CYP3A5: variants seen among roughly 807,000 people sequenced by gnomAD.
The protein encoded by CYP3A5 is cytochrome P450 family 3 subfamily A member 5, also known as cytochrome P450 3A5.
In CYP3A5, 51 loss-of-function variants were observed where a neutral mutation model predicts 55.9. The ratio of observed to expected loss-of-function variants is 0.91; its 90% confidence interval spans 0.73 to 1.15. CYP3A5 has a LOEUF of 1.15. CYP3A5 is among the 50% of genes most tolerant of loss of function. The pLI is 0.00. For missense variants in CYP3A5, 533 were observed against 596.6 expected (o/e 0.89, Z 1.11); for synonymous variants, 196 against 213.9 (o/e 0.92, Z 0.73).
chr7:99,678,001 A>G (rs1812458617), intron 1 of CYP3A5, among the ~76,000 whole-genome samples: 1 of 152,202 alleles, frequency 6.6e-6, no homozygotes, highest in Admixed American at 6.5e-5. Context: ...CTGGTAGAGT[A>G]ATGCAGCCTT....
intron 1 of CYP3A5, among the ~76,000 whole-genome samples, chr7:99,678,823 C>T (rs1049356288): frequency 1.3e-5 from 2 of 152,182 alleles, no homozygotes; most frequent in African/African-American, 4.8e-5. Flanking sequence ...CATTGTGGTT[C>T]CCTGCTCTTA....
In CYP3A5 at chr7:99,662,098, C is replaced by G. The variant is rs960082606; in HGVS notation, c.865+718G>C. Among the ~76,000 whole-genome samples, 1 of 152,144 alleles carries G rather than the reference C, an allele frequency of 6.6e-6. No individual in the cohort carries two copies. The highest frequency in any genetic ancestry group is 1.9e-4 in the East Asian group (1 of 5,198). ...GATGATTGACAGATAGATAGACAGA[C>G]AGAAGTAGATGTAGACATGGACATG... On this transcript the variant is annotated intron_variant, in intron 9 of 12. Coordinates refer to ENST00000222982, the MANE Select transcript of CYP3A5 (RefSeq NM_000777.5). This position sits in a 1 kb window ranked among gnomAD's most constrained non-coding sequence, Gnocchi z 4.3.
chr7:99,668,869 T>A (rs955600290), intron 4 of CYP3A5, among the ~76,000 whole-genome samples: 2 of 152,212 alleles, frequency 1.3e-5, no homozygotes, highest in Non-Finnish European at 2.9e-5. Context: ...ATTGACACTG[T>A]CAGGTATTAG....
chr7:99,662,547 A>C lies in CYP3A5; in HGVS notation c.865+269T>G, dbSNP rs140259921. Among the ~76,000 whole-genome samples the C allele has an allele frequency of 2.6e-3, 399 of 152,294 alleles. 2 individuals carry two copies. Among genetic ancestry groups the C allele is most frequent in the African/African-American group, 7.2e-3 (301 of 41,570 alleles). ...GATCTGGAGGAGGCTGAGAACTGGC[A>C]TTTGATCTCATGTAGGTGATCCACA... On this transcript the variant is annotated intron_variant, in intron 9 of 12. Transcript: ENST00000222982. The surrounding 1 kb of genome is among the most constrained non-coding windows in gnomAD (Gnocchi z 4.3).
At chr7:99,664,438 G>A (rs904335038) in intron 7 of CYP3A5, among the ~76,000 whole-genome samples, 2 of 152,150 alleles carry the variant, frequency 1.3e-5, no homozygotes, top group African/African-American at 4.8e-5. Context: ...TAATCATGCT[G>A]TTCAGGAAAT....
Position 99,662,953 on chromosome 7 carries a change from TC to T in CYP3A5, c.799-72del. 1.3e-6 allele frequency: 2 copies of T among 1,595,888 alleles called. No individual in the cohort carries two copies. The highest frequency in any genetic ancestry group is 1.7e-6 in the Non-Finnish European group (2 of 1,169,534). ...AGTCAGAAGTAAATCAAAAGTGCAGTCCTCAACCTCCCTTCTTGACTTCCCT... is the reference window on the plus strand; with the variant it reads ...AGTCAGAAGTAAATCAAAAGTGCAGTCTCAACCTCCCTTCTTGACTTCCCT... On this transcript the variant is annotated intron_variant, in intron 8 of 12. Transcript: ENST00000222982. This position sits in a 1 kb window ranked among gnomAD's most constrained non-coding sequence, Gnocchi z 4.3.
In CYP3A5 at chr7:99,672,674, T is replaced by C; in HGVS notation, c.224A>G (p.Tyr75Cys). ...GGCCAGCACAGGGAGTTGACCTTCATACGTTCTGTGTGGGGACAACGGAGC... is the reference window on the plus strand; with the variant it reads ...GGCCAGCACAGGGAGTTGACCTTCACACGTTCTGTGTGGGGACAACGGAGC... The part of the protein sequence containing the change: ...YKKYGKMWGT[Y>C]EGQLPVLAIT... Residue 75 changes from tyrosine to cysteine, a missense_variant, in exon 4 of 13, where the codon TAT becomes TGT. Coordinates refer to ENST00000222982, the MANE Select transcript of CYP3A5 (RefSeq NM_000777.5). The C allele has an allele frequency of 1.2e-6, 2 of 1,614,150 alleles. No homozygotes were observed. Among genetic ancestry groups the C allele is most frequent in the Non-Finnish European group, 1.7e-6 (2 of 1,179,978 alleles).
At chr7:99,673,910 A>G (rs551765730) in intron 3 of CYP3A5, among the ~76,000 whole-genome samples, 1 of 152,374 alleles carries the variant, frequency 6.6e-6, no homozygotes, top group East Asian at 1.9e-4. Context: ...AGCCTAGTTC[A>G]GACTGAAGAC....
At chr7:99,650,024 C>A (rs746112034) in intron 12 of CYP3A5, 49 bp downstream of exon 12, 13 of 1,600,072 alleles carry the variant, frequency 8.1e-6, no homozygotes, top group African/African-American at 6.7e-5. Context: ...AAAATATATA[C>A]CCTTCAGTTA....
intron 1 of CYP3A5, 193 bp from the exon 2 acceptor site, chr7:99,676,401 A>C (rs1812290786): frequency 6.6e-7 from 1 of 1,509,208 alleles, no homozygotes; most frequent in South Asian, 1.1e-5. Flanking sequence ...ACCCCTGAAA[A>C]GTCTCAATGA....
intron 1 of CYP3A5, among the ~76,000 whole-genome samples, chr7:99,678,481 C>T (rs1009650300): frequency 4.6e-5 from 7 of 152,104 alleles, no homozygotes; most frequent in East Asian, 1.9e-4. Flanking sequence ...AATAAATGGC[C>T]GGACAGGTAT....
In CYP3A5 at chr7:99,662,839, G is replaced by T. The variant is rs111371159; in HGVS notation, c.842C>A (p.Ser281Ter). The change falls in exon 9 of 13, where the codon TCG (serine) becomes TAG (stop). Residue 281 changes from serine to a stop codon, truncating the protein, a stop_gained. Transcript: ENST00000222982. LOFTEE classifies it high-confidence loss of function. The surrounding 1 kb of genome is among the most constrained non-coding windows in gnomAD (Gnocchi z 4.3). ...FLQLMIDSQN[S>*]KETESHKALS... ...ACCTTTGTGGGACTCAGTTTCTTTCGAATTCTGGGAGTCAATCATCAGCTG... is the reference window on the plus strand; with the variant it reads ...ACCTTTGTGGGACTCAGTTTCTTTCTAATTCTGGGAGTCAATCATCAGCTG... The T allele has an allele frequency of 3.1e-6, 5 of 1,613,888 alleles. No homozygotes were observed. The highest frequency in any genetic ancestry group is 2.2e-5 in the East Asian group (1 of 44,874).
chr7:99,671,916 C>G, intron 4 of CYP3A5: 3 of 695,606 alleles, frequency 4.3e-6, no homozygotes, highest in Non-Finnish European at 2.6e-6. Context: ...TACCCACACA[C>G]ATAAACACAC....
chr7:99,662,756 G>T lies in CYP3A5; in HGVS notation c.865+60C>A. 1 of 1,493,416 alleles carries T rather than the reference G, an allele frequency of 6.7e-7. No individual in the cohort carries two copies. Among genetic ancestry groups the T allele is most frequent in the Non-Finnish European group, 9.3e-7 (1 of 1,074,302 alleles). 92.5% of individuals were successfully genotyped at this position (1,493,416 alleles called of 1,614,324 possible). ...CTGGAATACTTCCTGCACATTTTCA[G>T]AACAAGGCCCTCCCTCTTAGTGTCC... On this transcript the variant is annotated intron_variant, in intron 9 of 12. Coordinates refer to ENST00000222982, the MANE Select transcript of CYP3A5 (RefSeq NM_000777.5). This position sits in a 1 kb window ranked among gnomAD's most constrained non-coding sequence, Gnocchi z 4.3.
chr7:99,652,869 C>G, intron 10 of CYP3A5, 90 bp from the exon 11 acceptor site: 1 of 934,092 alleles, frequency 1.1e-6, no homozygotes. Flanking sequence ...ATTAGAAGCT[C>G]CAGAGAATAA....
chr7:99,672,550 T>G, intron 4 of CYP3A5, 30 bp downstream of exon 4: 1 of 1,548,272 alleles, frequency 6.5e-7, no homozygotes, highest in Non-Finnish European at 8.9e-7. Flanking sequence ...GGATCAATCA[T>G]TATTTAAATT....
chr7:99,674,687 G>T, intron 2 of CYP3A5, 102 bp from the exon 3 acceptor site: 2 of 892,148 alleles, frequency 2.2e-6, no homozygotes, highest in Non-Finnish European at 3.5e-6. Flanking sequence ...AATCAGGCCT[G>T]CTATCTTTCA....
chr7:99,672,482 AT>A, intron 4 of CYP3A5, 97 bp downstream of exon 4: 1 of 1,086,162 alleles, frequency 9.2e-7, no homozygotes, highest in Non-Finnish European at 1.4e-6. Flanking sequence ...CTTCCTGTAC[AT>A]TTTTTAGGTA....
At chr7:99,675,981 C>T in intron 2 of CYP3A5, 134 bp downstream of exon 2, 1 of 708,432 alleles carries the variant, frequency 1.4e-6, no homozygotes. Flanking sequence ...AGGCATGATC[C>T]ACTGCACCCA....
Sources: allele counts gnomAD v4.1 joint callset (sites outside exome capture counted in the v4.1 genomes callset), GRCh38; gene constraint gnomAD v4.1.1; non-coding constraint Gnocchi (gnomAD v3.1); transcripts MANE v1.5; gene names NCBI Gene and HGNC (gene_info 2026-07-23, HGNC 2026-07-21).